FKTN: variants seen among roughly 807,000 people sequenced by gnomAD.
The protein encoded by FKTN is fukutin.
FKTN carries 47 observed loss-of-function variants against 58.6 expected under a neutral mutation model. The ratio of observed to expected loss-of-function variants is 0.80; its 90% CI spans 0.63 to 1.02. The LOEUF is 1.02. FKTN is among the 50% of genes least tolerant of loss of function. FKTN has a pLI of 0.00. For synonymous variants in FKTN, 178 were observed against 191.9 expected, an observed-to-expected ratio of 0.93 and a Z score of 0.60; for missense variants, 516 against 537.3, an observed-to-expected ratio of 0.96 and a Z score of 0.39.
At chr9:105,589,822 A>C (rs1844541922) in intron 3 of FKTN, among the ~76,000 whole-genome samples, 1 of 152,206 alleles carries the variant, frequency 6.6e-6, no homozygotes, top group South Asian at 2.1e-4. Context: ...CTAGGTAGAA[A>C]ACAAAGAAAA....
At chr9:105,563,600 G>GC (rs1033821010) in intron 1 of FKTN, among the ~76,000 whole-genome samples, 5 of 82,500 alleles carry the variant, frequency 6.1e-5, no homozygotes, top group South Asian at 4.4e-4. Context: ...AGCGAGGCTG[G>GC]GGGGGGGGGC....
chr9:105,639,870 C>T lies in FKTN; in HGVS notation c.*4606C>T. ...TGTACTTCACTAGATTTGGTACCTG[C>T]TCTCCCCTGGACTTCTTTTTCAATA... is the stretch of plus-strand genomic sequence containing the variant. On this transcript the variant is annotated 3_prime_UTR_variant, in exon 11 of 11. Coordinates refer to ENST00000357998, the MANE Select transcript of FKTN (RefSeq NM_001079802.2). 3 of 1,361,216 alleles carry T rather than the reference C, an allele frequency of 2.2e-6. No homozygotes were observed. In the South Asian group the frequency reaches 5.5e-5, roughly 25 times the overall value. The allele number at this position is 1,361,216 out of a possible 1,614,324, so 84.3% of individuals were successfully genotyped here.
In FKTN at chr9:105,639,182, A is replaced by G. The variant is rs17316607; in HGVS notation, c.*3918A>G. On this transcript the variant is annotated 3_prime_UTR_variant, in exon 11 of 11. Transcript: ENST00000357998. Reference sequence around the variant, plus strand: ...TAGTTGTAATAGCTTTAATGCATGGAAAAACTTCAGTTACTGACCAGTCAA... The same window carrying G: ...TAGTTGTAATAGCTTTAATGCATGGGAAAACTTCAGTTACTGACCAGTCAA... The G allele has an allele frequency of 2.3e-3, 2,261 of 985,342 alleles. 4 individuals carry two copies. The Middle Eastern group carries it at 0.024, about 10-fold the overall frequency. 61.0% of individuals were successfully genotyped at this position (985,342 alleles called of 1,614,324 possible).
Position 105,638,145 on chromosome 9 carries a change from TG to T in FKTN, c.*2882del. On this transcript the variant is annotated 3_prime_UTR_variant, in exon 11 of 11. Coordinates refer to ENST00000357998, the MANE Select transcript of FKTN (RefSeq NM_001079802.2). ...AAAGAATGATCTGAACAAGAACAGC[TG>T]AGGCTAAAACCCAAGACTGCCGTGA... The T allele has an allele frequency of 1.3e-5, 13 of 984,864 alleles. No homozygotes were observed. Among genetic ancestry groups the T allele is most frequent in the Non-Finnish European group, 1.6e-5 (13 of 829,460 alleles). 61.0% of individuals were successfully genotyped at this position (984,864 alleles called of 1,614,324 possible).
chr9:105,636,410 C>T lies in FKTN; in HGVS notation c.*1146C>T. The T allele has an allele frequency of 8.1e-6, 8 of 988,978 alleles. No homozygotes were observed. Among genetic ancestry groups the T allele is most frequent in the Non-Finnish European group, 9.6e-6 (8 of 832,014 alleles). 61.3% of individuals were successfully genotyped at this position (988,978 alleles called of 1,614,324 possible). On this transcript the variant is annotated 3_prime_UTR_variant, in exon 11 of 11. Transcript: ENST00000357998. ...GACTTGACAACTATTCACCCTACCT[C>T]AGATCATAGAGTTTGTAAAGTTTGT...
At chr9:105,634,811 C>G (rs1833890904) in intron 10 of FKTN, among the ~76,000 whole-genome samples, 1 of 152,224 alleles carries the variant, frequency 6.6e-6, no homozygotes, top group Non-Finnish European at 1.5e-5. Context: ...CATTAACTTA[C>G]TGGCCTGAGT....
intron 3 of FKTN, among the ~76,000 whole-genome samples, chr9:105,585,495 T>C (rs1030500034): frequency 1.3e-5 from 2 of 152,240 alleles, no homozygotes; most frequent in Non-Finnish European, 2.9e-5. Flanking sequence ...ATGCTAAAGA[T>C]ACCAACTTTT....
intron 3 of FKTN, among the ~76,000 whole-genome samples, chr9:105,592,911 G>T (rs1205329662): frequency 1.3e-5 from 2 of 152,150 alleles, no homozygotes; most frequent in African/African-American, 2.4e-5. Flanking sequence ...TCATCTTCCT[G>T]TCTTCTTCTG....
At chr9:105,628,530 T>G (rs1258129992) in intron 10 of FKTN, among the ~76,000 whole-genome samples, 1 of 152,242 alleles carries the variant, frequency 6.6e-6, no homozygotes, top group Non-Finnish European at 1.5e-5. Context: ...AATAGTTTGT[T>G]GTTTGAACAT....
At chr9:105,604,877 G>C (rs1238728621) in intron 6 of FKTN, among the ~76,000 whole-genome samples, 2 of 151,382 alleles carry the variant, frequency 1.3e-5, no homozygotes, top group African/African-American at 2.4e-5. Flanking sequence ...AATTGCTTGA[G>C]CCCTGGAGGT....
chr9:105,563,317 T>G (rs186233487), intron 1 of FKTN, among the ~76,000 whole-genome samples: 44 of 152,138 alleles, frequency 2.9e-4, no homozygotes, highest in African/African-American at 9.9e-4. Context: ...GGACAGTGGG[T>G]GCAGCGCACC....
In FKTN at chr9:105,635,720, T is replaced by C. The variant is rs180848193; in HGVS notation, c.*456T>C. The C allele has an allele frequency of 8.3e-5, 85 of 1,029,368 alleles. 1 individual carries two copies. The African/African-American group carries it at 1.4e-3, about 17-fold the overall frequency. 63.8% of individuals were successfully genotyped at this position (1,029,368 alleles called of 1,614,324 possible). On this transcript the variant is annotated 3_prime_UTR_variant, in exon 11 of 11. Coordinates refer to ENST00000357998, the MANE Select transcript of FKTN (RefSeq NM_001079802.2). ...TTAAGCTGGTATGTTAGTGCTACTTTTAAGATTGTGGAGTCTGAGTTAATA... is the reference window on the plus strand; with the variant it reads ...TTAAGCTGGTATGTTAGTGCTACTTCTAAGATTGTGGAGTCTGAGTTAATA...
In FKTN at chr9:105,619,964, G is replaced by A; in HGVS notation, c.1075G>A (p.Gly359Arg). Residue 359 changes from glycine to arginine, a missense_variant, in exon 10 of 11, where the codon GGA becomes AGA. Gly to Arg is a moderately radical substitution (Grantham distance 125). Coordinates refer to ENST00000357998, the MANE Select transcript of FKTN (RefSeq NM_001079802.2). ...VEDSLELSFQ[G>R]KDDVKLDVFF... ...AGACAGCTTGGAACTATCCTTCCAG[G>A]GAAAAGATGATGTAAAACTTGATGT... The A allele has an allele frequency of 6.2e-7, 1 of 1,612,414 alleles. No individual in the cohort carries two copies. Among genetic ancestry groups the A allele is most frequent in the Non-Finnish European group, 8.5e-7 (1 of 1,178,822 alleles).
chr9:105,572,092 T>G (rs1840832138), intron 1 of FKTN, among the ~76,000 whole-genome samples: 1 of 152,196 alleles, frequency 6.6e-6, no homozygotes, highest in South Asian at 2.1e-4. Context: ...CAATGTTGAT[T>G]GATATTGTTT....
intron 2 of FKTN, 150 bp from the exon 3 acceptor site, chr9:105,574,795 C>T (rs1162854893): frequency 1.5e-5 from 6 of 412,438 alleles, no homozygotes; most frequent in Admixed American, 4.0e-5. Flanking sequence ...CATCATTGGT[C>T]TCATATTTGA....
rs1215469948 is a variant in FKTN at position 105,637,558 on chromosome 9, G to A, written c.*2294G>A. ...TATTTTAACAGTTGGGTTCTGTGGA[G>A]TGTCCAGAGACCTTGGGTTAGGTAT... On this transcript the variant is annotated 3_prime_UTR_variant, in exon 11 of 11. Transcript: ENST00000357998. The A allele has an allele frequency of 1.0e-6, 1 of 985,114 alleles. No individual in the cohort carries two copies. Among genetic ancestry groups the A allele is most frequent in the East Asian group, 1.1e-4 (1 of 8,830 alleles). 61.0% of individuals were successfully genotyped at this position (985,114 alleles called of 1,614,324 possible).
chr9:105,636,375 C>G lies in FKTN; in HGVS notation c.*1111C>G. 1.0e-6 allele frequency: 1 copy of G among 985,386 alleles called. No homozygotes were observed. Among genetic ancestry groups the G allele is most frequent in the Non-Finnish European group, 1.2e-6 (1 of 829,818 alleles). 61.0% of individuals were successfully genotyped at this position (985,386 alleles called of 1,614,324 possible). On this transcript the variant is annotated 3_prime_UTR_variant, in exon 11 of 11. Coordinates refer to ENST00000357998, the MANE Select transcript of FKTN (RefSeq NM_001079802.2). ...ATATATCAGATCTCCAAAATGGAAG[C>G]TAAATGGTGGACTTGACAACTATTC...
At chr9:105,558,359 G>A (rs1260471861) in intron 1 of FKTN, among the ~76,000 whole-genome samples, 194 bp downstream of exon 1, 1 of 152,152 alleles carries the variant, frequency 6.6e-6, no homozygotes, top group African/African-American at 2.4e-5. Flanking sequence ...CGAGCATCGC[G>A]TGGTAGACTT....
At chr9:105,581,163 A>C (rs1842807522) in intron 3 of FKTN, among the ~76,000 whole-genome samples, 1 of 149,572 alleles carries the variant, frequency 6.7e-6, no homozygotes, top group Non-Finnish European at 1.5e-5. Flanking sequence ...TTCTTCTCTC[A>C]GCTCGTCAAA....
Sources: gnomAD v4.1 joint callset for allele counts (sites outside exome capture counted in the v4.1 genomes callset) on GRCh38, gnomAD v4.1.1 for gene constraint, MANE v1.5 for transcripts, NCBI Gene and HGNC (gene_info 2026-07-23, HGNC 2026-07-21) for gene names.